CRYZ: variants seen among roughly 807,000 people sequenced by gnomAD.
CRYZ encodes crystallin zeta, also known as zeta-crystallin.
CRYZ carries 35 observed loss-of-function variants against 34.1 expected under a neutral mutation model. The observed-to-expected ratio is 1.03, with a 90% CI of 0.78 to 1.36. The LOEUF is 1.36. CRYZ is among the 40% of genes most tolerant of loss of function. CRYZ has a pLI of 0.00. For synonymous variants in CRYZ, 137 were observed against 136.5 expected, an observed-to-expected ratio of 1.00 and a Z score of -0.03; for missense variants, 403 against 391.8, an observed-to-expected ratio of 1.03 and a Z score of -0.24.
In CRYZ at chr1:74,705,795, T is replaced by A. The variant is rs1448661722; in HGVS notation, c.*501A>T. On this transcript the variant is annotated 3_prime_UTR_variant, in exon 9 of 9. Coordinates refer to ENST00000340866, the MANE Select transcript of CRYZ (RefSeq NM_001889.4). ...GAGAAAACTAATAAATTGTCCTGGA[T>A]ATTATTTATTCTTGCCTTTACAAAA... 6.6e-6 allele frequency: 1 copy of A among 152,212 alleles called. No homozygotes were observed. The highest frequency in any genetic ancestry group is 1.5e-5 in the Non-Finnish European group (1 of 68,042). The allele number at this position is 152,212 out of a possible 1,614,324, so 9.4% of individuals were successfully genotyped here. A position where few individuals can be genotyped will look rare whatever the true frequency, so the allele number is the denominator to read the frequency against.
Position 74,719,923 on chromosome 1 carries a change from T to C in CRYZ, c.265-551A>G, listed in dbSNP as rs576946276. On this transcript the variant is annotated intron_variant, in intron 3 of 8. Transcript: ENST00000340866. ...ACTTCCTTGAATGGCATCATAATGA[T>C]GTTGATGGCTCAGTCCATGAAGAGC... 4.6e-5 allele frequency among the ~76,000 whole-genome samples: 7 copies of C among 152,200 alleles called. No individual in the cohort carries two copies. In the South Asian group the frequency reaches 1.0e-3, roughly 23 times the overall value.
chr1:74,727,806 G>A (rs761743045), intron 1 of CRYZ, among the ~76,000 whole-genome samples: 37 of 152,164 alleles, frequency 2.4e-4, no homozygotes, highest in Middle Eastern at 3.4e-3. Context: ...TTTGGGTGGC[G>A]ACAGAGCCAA....
intron 1 of CRYZ, among the ~76,000 whole-genome samples, chr1:74,731,153 G>A (rs899503568): frequency 6.6e-6 from 1 of 152,072 alleles, no homozygotes; most frequent in African/African-American, 2.4e-5. Context: ...CCTCTGAAAG[G>A]TTGCCAATAT....
chr1:74,715,607 G>A (rs1185781024), intron 4 of CRYZ, among the ~76,000 whole-genome samples: 1 of 152,210 alleles, frequency 6.6e-6, no homozygotes, highest in African/African-American at 2.4e-5. Flanking sequence ...TAGAGCTGAA[G>A]GGACTGAGGA....
intron 2 of CRYZ, 119 bp downstream of exon 2, chr1:74,724,592 A>C (rs1458776710): frequency 2.3e-5 from 15 of 653,100 alleles, no homozygotes; most frequent in Non-Finnish European, 3.7e-5. Context: ...ACATAGTGTA[A>C]ACTGCATCCT....
At chr1:74,728,278 T>G (rs1280976944) in intron 1 of CRYZ, among the ~76,000 whole-genome samples, 1 of 152,234 alleles carries the variant, frequency 6.6e-6, no homozygotes, top group Non-Finnish European at 1.5e-5. Flanking sequence ...CAGCTAACCT[T>G]TCTGTCCTAT....
In CRYZ at chr1:74,726,095, G is replaced by T. The variant is rs192218956; in HGVS notation, c.-13-1261C>A. Among the ~76,000 whole-genome samples the T allele has an allele frequency of 8.5e-5, 13 of 152,306 alleles. No individual in the cohort carries two copies. The East Asian group carries it at 1.4e-3, about 16-fold the overall frequency. On this transcript the variant is annotated intron_variant, in intron 1 of 8. Coordinates refer to ENST00000340866, the MANE Select transcript of CRYZ (RefSeq NM_001889.4). Reference sequence around the variant, plus strand: ...CAGCCTTTCCAGGCACACAGTGTAAGCTATCAGTGGATCTACCATTCTGGG... The same window carrying T: ...CAGCCTTTCCAGGCACACAGTGTAATCTATCAGTGGATCTACCATTCTGGG...
intron 1 of CRYZ, among the ~76,000 whole-genome samples, chr1:74,731,113 T>C (rs1647699530): frequency 6.6e-6 from 1 of 152,096 alleles, no homozygotes; most frequent in African/African-American, 2.4e-5. Flanking sequence ...AAATTAAGAG[T>C]CCCTTGGTTT....
intron 1 of CRYZ, among the ~76,000 whole-genome samples, chr1:74,728,580 T>G (rs776213624): frequency 6.6e-6 from 1 of 152,134 alleles, no homozygotes; most frequent in Non-Finnish European, 1.5e-5. Context: ...ATTCAGACTT[T>G]TACTGTATCA....
chr1:74,706,195 C>T lies in CRYZ; in HGVS notation c.*101G>A, dbSNP rs1646925360. The T allele has an allele frequency of 9.7e-7, 1 of 1,027,128 alleles. No homozygotes were observed. The highest frequency in any genetic ancestry group is 2.6e-5 in the East Asian group (1 of 38,320). 63.6% of individuals were successfully genotyped at this position (1,027,128 alleles called of 1,614,324 possible). ...AAATCTTATTTTTTCACATAAGAAG[C>T]TCATGGAATCGAATGTTAATTAAAG... On this transcript the variant is annotated 3_prime_UTR_variant, in exon 9 of 9. Transcript: ENST00000340866.
Position 74,719,368 on chromosome 1 carries a change from C to A in CRYZ, c.269G>T (p.Gly90Val). ...CGTGCTGCTAGTGAAAACTCTGTCA[C>A]CTTTCTAGGGGAAGAGATAAATGAA... is the stretch of plus-strand genomic sequence containing the variant. ...VGDNASAFKK[G>V]DRVFTSSTIS... Residue 90 changes from glycine (G) to valine (V), a missense_variant, in exon 4 of 9, where the codon GGT becomes GTT. Physicochemically the swap from Gly to Val is moderately radical, Grantham distance 109. Transcript: ENST00000340866. 6.2e-7 allele frequency: 1 copy of A among 1,608,196 alleles called. No individual in the cohort carries two copies. The highest frequency in any genetic ancestry group is 1.1e-5 in the South Asian group (1 of 90,876).
At chr1:74,719,859 C>A (rs1647133605) in intron 3 of CRYZ, among the ~76,000 whole-genome samples, 1 of 151,906 alleles carries the variant, frequency 6.6e-6, no homozygotes, top group African/African-American at 2.4e-5. Flanking sequence ...GGAAGAAAAT[C>A]TAAGGAAAAC....
intron 1 of CRYZ, among the ~76,000 whole-genome samples, chr1:74,728,995 A>G (rs2100735909): frequency 6.6e-6 from 1 of 152,288 alleles, no homozygotes; most frequent in Middle Eastern, 3.4e-3. Flanking sequence ...TCACCACTCT[A>G]CTTCCATTCA....
chr1:74,728,914 GTC>G (rs1009849049), intron 1 of CRYZ, among the ~76,000 whole-genome samples: 15 of 152,176 alleles, frequency 9.9e-5, no homozygotes, highest in African/African-American at 3.6e-4. Context: ...CAGCTTGGCA[GTC>G]TCTGACGGGG....
chr1:74,705,596 C>T lies in CRYZ; in HGVS notation c.*700G>A, dbSNP rs1646917544. 6.6e-6 allele frequency: 1 copy of T among 152,004 alleles called. No individual in the cohort carries two copies. Among genetic ancestry groups the T allele is most frequent in the Non-Finnish European group, 1.5e-5 (1 of 67,968 alleles). The allele number at this position is 152,004 out of a possible 1,614,324, so 9.4% of individuals were successfully genotyped here. ...AATTAACAAAAATATTTGACCCTCACCAGAAAAACAGATAACTCTAAATCT... is the reference window on the plus strand; with the variant it reads ...AATTAACAAAAATATTTGACCCTCATCAGAAAAACAGATAACTCTAAATCT... On this transcript the variant is annotated 3_prime_UTR_variant, in exon 9 of 9. Coordinates refer to ENST00000340866, the MANE Select transcript of CRYZ (RefSeq NM_001889.4).
intron 1 of CRYZ, among the ~76,000 whole-genome samples, chr1:74,732,535 G>A (rs1242933619): frequency 6.6e-6 from 1 of 150,552 alleles, no homozygotes; most frequent in Non-Finnish European, 1.5e-5. Context: ...ACCGCTGGGC[G>A]CTGCTGCAGG....
At chr1:74,729,157 G>A (rs1219786800) in intron 1 of CRYZ, among the ~76,000 whole-genome samples, 3 of 148,926 alleles carry the variant, frequency 2.0e-5, no homozygotes, top group Admixed American at 6.7e-5. Context: ...TCAACATGAC[G>A]TTACGGAAAG....
intron 3 of CRYZ, among the ~76,000 whole-genome samples, chr1:74,721,838 T>C (rs368989513): frequency 1.2e-4 from 19 of 152,200 alleles, no homozygotes; most frequent in African/African-American, 4.6e-4. Context: ...CAGAACTCTC[T>C]GTAATGATGG....
rs1367188356 is a variant in CRYZ, at chr1:74,733,011, T to G, written c.-69A>C. 3.6e-6 allele frequency: 2 copies of G among 551,872 alleles called. No individual in the cohort carries two copies. The highest frequency in any genetic ancestry group is 6.3e-5 in the East Asian group (2 of 31,740). The allele number at this position is 551,872 out of a possible 1,614,324, so 34.2% of individuals were successfully genotyped here. ...TGGGCTTCTTCAGATTCCACAGAAA[T>G]GAGGACTGCCACACCTTCTCCAACT... On this transcript the variant is annotated 5_prime_UTR_variant, in exon 1 of 9. Coordinates refer to ENST00000340866, the MANE Select transcript of CRYZ (RefSeq NM_001889.4).
Sources: allele counts gnomAD v4.1 joint callset (sites outside exome capture counted in the v4.1 genomes callset), GRCh38; gene constraint gnomAD v4.1.1; transcripts MANE v1.5; gene names NCBI Gene and HGNC (gene_info 2026-07-23, HGNC 2026-07-21).